RARS2: variants seen among roughly 807,000 people sequenced by gnomAD.
The protein encoded by RARS2 is arginyl-tRNA synthetase 2, mitochondrial.
Under a neutral mutation model 88.5 loss-of-function variants are expected in RARS2, and 67 were observed. The observed-to-expected ratio is 0.76, with a 90% CI of 0.62 to 0.93. The LOEUF is 0.93. RARS2 is among the 40% of genes least tolerant of loss of function. The pLI is 0.00. For missense variants in RARS2, 664 were observed against 684.2 expected (o/e 0.97, Z 0.33); for synonymous variants, 239 against 230.3 (o/e 1.04, Z -0.34).
chr6:87,523,537 G>A (rs1774665596), intron 11 of RARS2, among the ~76,000 whole-genome samples: 1 of 152,202 alleles, frequency 6.6e-6, no homozygotes, highest in African/African-American at 2.4e-5. Flanking sequence ...AAGTACAGGT[G>A]TTAAGGTAAA....
chr6:87,588,247 A>G (rs1775752268), intron 1 of RARS2, among the ~76,000 whole-genome samples: 1 of 152,202 alleles, frequency 6.6e-6, no homozygotes, highest in African/African-American at 2.4e-5. Flanking sequence ...GTCTACATTA[A>G]CATGAATTTA....
chr6:87,524,597 T>A lies in RARS2; in HGVS notation c.934A>T (p.Thr312Ser). 6.2e-7 allele frequency: 1 copy of A among 1,613,618 alleles called. No individual in the cohort carries two copies. The highest frequency in any genetic ancestry group is 8.5e-7 in the Non-Finnish European group (1 of 1,179,674). Residue 312 changes from threonine to serine, a missense_variant, in exon 11 of 20, where the codon ACT (threonine) becomes TCT (serine). By Grantham distance (58) the Thr-to-Ser change is moderately conservative (BLOSUM62 1). Transcript: ENST00000369536. ...GAAGTCCCATCACTTCGCATTACAG[T>A]ACAAATTGAGGAGGGGTCGCCATTC... is the stretch of plus-strand genomic sequence containing the variant. ...SGNGDPSSIC[T>S]VMRSDGTSLY...
intron 4 of RARS2, among the ~76,000 whole-genome samples, chr6:87,562,115 C>A (rs1788019853): frequency 6.6e-6 from 1 of 152,146 alleles, no homozygotes; most frequent in Non-Finnish European, 1.5e-5. Context: ...CAGGCGCAAA[C>A]TATCATGTGT....
chr6:87,523,554 GA>G (rs1261343835), intron 11 of RARS2, among the ~76,000 whole-genome samples: 5 of 152,166 alleles, frequency 3.3e-5, no homozygotes, highest in Admixed American at 6.5e-5. Flanking sequence ...TAAATACACA[GA>G]AAAGTCTACA....
At chr6:87,566,973 C>A (rs1390057962) in intron 2 of RARS2, among the ~76,000 whole-genome samples, 1 of 150,822 alleles carries the variant, frequency 6.6e-6, no homozygotes, top group Non-Finnish European at 1.5e-5. Context: ...CTGAGGCAGG[C>A]GCATGTTGCC....
At chr6:87,582,351 C>T (rs1462688628) in intron 1 of RARS2, among the ~76,000 whole-genome samples, 1 of 152,072 alleles carries the variant, frequency 6.6e-6, no homozygotes, top group Non-Finnish European at 1.5e-5. Context: ...AGTTCTCTAA[C>T]GATCAGTGAT....
intron 2 of RARS2, among the ~76,000 whole-genome samples, chr6:87,566,090 T>C (rs915029966): frequency 1.3e-5 from 2 of 152,286 alleles, no homozygotes; most frequent in African/African-American, 2.4e-5. Flanking sequence ...GGCAGGAGGA[T>C]TGCTTGAGCT....
chr6:87,560,814 G>A (rs897516114), intron 4 of RARS2, among the ~76,000 whole-genome samples: 1 of 152,212 alleles, frequency 6.6e-6, no homozygotes, highest in Non-Finnish European at 1.5e-5. Flanking sequence ...CTTGAACCCG[G>A]GAGGTGGAGG....
At chr6:87,555,007 G>A (rs865871273) in intron 5 of RARS2, among the ~76,000 whole-genome samples, 21 of 152,086 alleles carry the variant, frequency 1.4e-4, no homozygotes, top group Middle Eastern at 3.4e-3. Flanking sequence ...AGGAGGCTGA[G>A]GCAGGAGAAT....
At chr6:87,527,592 AAAAC>A (rs1776164485) in intron 10 of RARS2, among the ~76,000 whole-genome samples, 1 of 152,190 alleles carries the variant, frequency 6.6e-6, no homozygotes, top group Non-Finnish European at 1.5e-5. Flanking sequence ...CACAGCAAAG[AAAAC>A]AATCAACAAA....
intron 16 of RARS2, 80 bp downstream of exon 16, chr6:87,518,550 G>T: frequency 7.0e-7 from 1 of 1,431,070 alleles, no homozygotes; most frequent in East Asian, 2.3e-5. Context: ...CCAGAAAACA[G>T]GGCCTCTGGT....
chr6:87,574,352 C>CT (rs1438372123), intron 1 of RARS2, among the ~76,000 whole-genome samples: 2 of 152,004 alleles, frequency 1.3e-5, no homozygotes, highest in East Asian at 3.8e-4. Context: ...CCATGACCTA[C>CT]TAGAGAGAGA....
chr6:87,557,735 G>C (rs987456027), intron 4 of RARS2, among the ~76,000 whole-genome samples: 1 of 152,146 alleles, frequency 6.6e-6, no homozygotes, highest in Non-Finnish European at 1.5e-5. Flanking sequence ...TGGTTGTAAA[G>C]ACACAATTCT....
rs192245193 is a variant in RARS2, at chr6:87,553,915, G to A, written c.395+1493C>T. 4.7e-4 allele frequency among the ~76,000 whole-genome samples: 71 copies of A among 152,274 alleles called. No individual in the cohort carries two copies. The East Asian group carries it at 0.013, about 28-fold the overall frequency. ...ATTGGTCCTTATTACAAATTCATGA[G>A]TTTGCTCTTAGAGGGTCTGCCTTCT... On this transcript the variant is annotated intron_variant, in intron 5 of 19. Coordinates refer to ENST00000369536, the MANE Select transcript of RARS2 (RefSeq NM_020320.5).
At chr6:87,545,499 AAT>A (rs1270831995) in intron 7 of RARS2, 115 bp downstream of exon 7, 5 of 1,346,216 alleles carry the variant, frequency 3.7e-6, no homozygotes, top group East Asian at 4.9e-5. Context: ...AAAAAAAAAA[AAT>A]AGGTAGGACA....
At position 87,526,692 on chromosome 6, in the gene RARS2, T is replaced by C. The variant is rs539273090; in HGVS notation, c.879-2040A>G. Among the ~76,000 whole-genome samples the C allele has an allele frequency of 5.5e-4, 83 of 150,218 alleles. No homozygotes were observed. In the South Asian group the frequency reaches 9.9e-3, roughly 18 times the overall value. Reference sequence around the variant, plus strand: ...ACTGAATTTTTTTTTTTTTTTGAGATGGAATTTCACTCTTATTGCCCAGGT... The same window carrying C: ...ACTGAATTTTTTTTTTTTTTTGAGACGGAATTTCACTCTTATTGCCCAGGT... On this transcript the variant is annotated intron_variant, in intron 10 of 19. Transcript: ENST00000369536.
intron 8 of RARS2, among the ~76,000 whole-genome samples, chr6:87,533,050 T>C (rs1047361328): frequency 1.3e-5 from 2 of 152,138 alleles, no homozygotes; most frequent in Non-Finnish European, 2.9e-5. Flanking sequence ...GCACACAAGT[T>C]ATAAGCAAAC....
At chr6:87,543,235 G>A (rs759098345) in intron 7 of RARS2, among the ~76,000 whole-genome samples, 32 of 152,002 alleles carry the variant, frequency 2.1e-4, no homozygotes, top group South Asian at 4.1e-4. Flanking sequence ...CCTGGGAGGC[G>A]GAGGTTGCGG....
At chr6:87,514,761 GTA>G (rs1210073646) in intron 19 of RARS2, among the ~76,000 whole-genome samples, 194 bp downstream of exon 19, 6 of 152,286 alleles carry the variant, frequency 3.9e-5, no homozygotes, top group African/African-American at 1.4e-4. Context: ...AATATTTCAT[GTA>G]GGAAAATGTG....
Sources: allele counts gnomAD v4.1 joint callset (sites outside exome capture counted in the v4.1 genomes callset), GRCh38; gene constraint gnomAD v4.1.1; transcripts MANE v1.5; gene names NCBI Gene and HGNC (gene_info 2026-07-23, HGNC 2026-07-21).